The following TTLL11 variants were observed in gnomAD, a reference collection of about 807,000 sequenced individuals.
The protein encoded by TTLL11 is tubulin polyglutamylase TTLL11.
Under a neutral mutation model 51.7 loss-of-function variants are expected in TTLL11, and 42 were observed. The observed-to-expected ratio is 0.81, with a 90% CI of 0.64 to 1.05. The LOEUF is 1.05. TTLL11 is among the 50% of genes least tolerant of loss of function. The pLI is 0.00. For missense variants in TTLL11, 799 were observed against 940.4 expected, an observed-to-expected ratio of 0.85 and a Z score of 1.97; for synonymous variants, 381 against 383.5, an observed-to-expected ratio of 0.99 and a Z score of 0.08.
At chr9:122,039,123 T>G (rs1844775642) in intron 2 of TTLL11, 149 bp downstream of exon 2, 1 of 636,606 alleles carries the variant, frequency 1.6e-6, no homozygotes, top group Non-Finnish European at 2.6e-6. Context: ...TCTCCAATCC[T>G]TAAAACCTTA....
At chr9:122,066,432 C>A (rs1845585138) in intron 1 of TTLL11, among the ~76,000 whole-genome samples, 1 of 152,072 alleles carries the variant, frequency 6.6e-6, no homozygotes, top group East Asian at 1.9e-4. Flanking sequence ...TCCAGGGTCA[C>A]ACAGACAGCA....
intron 4 of TTLL11, among the ~76,000 whole-genome samples, chr9:121,986,935 A>G (rs532167452): frequency 1.3e-5 from 2 of 152,194 alleles, no homozygotes; most frequent in East Asian, 3.9e-4. Flanking sequence ...AATGGAATCT[A>G]TAACAGTGCA....
chr9:122,081,510 A>G (rs1266342113), intron 1 of TTLL11, among the ~76,000 whole-genome samples: 9 of 152,274 alleles, frequency 5.9e-5, no homozygotes, highest in South Asian at 2.1e-4. Flanking sequence ...GAAATCTACC[A>G]TACTTACTGC....
intron 6 of TTLL11, among the ~76,000 whole-genome samples, chr9:121,939,398 A>C (rs1209863172): frequency 6.6e-6 from 1 of 152,206 alleles, no homozygotes; most frequent in Non-Finnish European, 1.5e-5. Flanking sequence ...TTGCCAAAGG[A>C]GATATGGCTT....
Position 121,989,069 on chromosome 9 carries a change from C to T in TTLL11, c.1269+126G>A, listed in dbSNP as rs754945934. 21 of 1,513,460 alleles carry T rather than the reference C, an allele frequency of 1.4e-5. No individual in the cohort carries two copies. Among genetic ancestry groups the T allele is most frequent in the Middle Eastern group, 3.8e-4 (2 of 5,300 alleles). 93.8% of individuals were successfully genotyped at this position (1,513,460 alleles called of 1,614,324 possible). A position where few individuals can be genotyped will look rare whatever the true frequency, so the allele number is the denominator to read the frequency against. ...GGCCCAGGTTTAACACCCAAGCCCACAGCACCACCAACACTGTCCCCTCCT... is the reference window on the plus strand; with the variant it reads ...GGCCCAGGTTTAACACCCAAGCCCATAGCACCACCAACACTGTCCCCTCCT... On this transcript the variant is annotated intron_variant, in intron 4 of 8. Coordinates refer to ENST00000321582, the MANE Select transcript of TTLL11 (RefSeq NM_001139442.2). This position sits in a 1 kb window ranked among gnomAD's most constrained non-coding sequence, Gnocchi z 4.2.
At chr9:121,893,322 G>A (rs946178797) in intron 6 of TTLL11, among the ~76,000 whole-genome samples, 147 of 150,868 alleles carry the variant, frequency 9.7e-4, no homozygotes, top group African/African-American at 3.6e-3. Flanking sequence ...TTCTCTGTCT[G>A]TCTCTCTAGC....
At chr9:121,904,412 T>G (rs1839866376) in intron 6 of TTLL11, among the ~76,000 whole-genome samples, 1 of 152,114 alleles carries the variant, frequency 6.6e-6, no homozygotes, top group African/African-American at 2.4e-5. Flanking sequence ...CTTGACCTCG[T>G]GATCTGCCCG....
intron 4 of TTLL11, among the ~76,000 whole-genome samples, chr9:121,987,856 T>A (rs1842977206): frequency 6.6e-6 from 1 of 152,094 alleles, no homozygotes; most frequent in Admixed American, 6.5e-5. Flanking sequence ...TGGTCACCAT[T>A]TGCTGATGAG....
chr9:122,063,023 C>T (rs1055198444), intron 1 of TTLL11, among the ~76,000 whole-genome samples: 5 of 152,162 alleles, frequency 3.3e-5, no homozygotes, highest in Non-Finnish European at 5.9e-5. Context: ...TCAAGAGATC[C>T]TCCCACCTTG....
chr9:121,935,794 G>A (rs1041789734), intron 6 of TTLL11, among the ~76,000 whole-genome samples: 1 of 152,190 alleles, frequency 6.6e-6, no homozygotes, highest in African/African-American at 2.4e-5. Flanking sequence ...GAAACCTCCA[G>A]GGGTTCTGGC....
At chr9:121,930,133 G>A (rs1840909854) in intron 6 of TTLL11, among the ~76,000 whole-genome samples, 1 of 152,202 alleles carries the variant, frequency 6.6e-6, no homozygotes, top group African/African-American at 2.4e-5. Flanking sequence ...TCCACCATCT[G>A]AGGAAACTGA....
At chr9:122,012,875 A>G (rs7040706) in intron 3 of TTLL11, among the ~76,000 whole-genome samples, 65,897 of 152,088 alleles carry the variant, frequency 0.43, 16,189 homozygotes, top group African/African-American at 0.67. Flanking sequence ...GACCCAGAAC[A>G]CTTTGTCTAA....
intron 1 of TTLL11, among the ~76,000 whole-genome samples, chr9:122,091,939 C>T (rs1846269625): frequency 6.6e-6 from 1 of 152,092 alleles, no homozygotes; most frequent in African/African-American, 2.4e-5. Context: ...TGACACATGC[C>T]GTAAGCCAAG....
At chr9:121,930,453 T>G (rs1840922372) in intron 6 of TTLL11, among the ~76,000 whole-genome samples, 1 of 152,230 alleles carries the variant, frequency 6.6e-6, no homozygotes, top group South Asian at 2.1e-4. Context: ...GTTACACAAA[T>G]AGTGAAACCG....
chr9:122,005,213 G>A (rs1437299952), intron 3 of TTLL11, among the ~76,000 whole-genome samples: 3 of 152,226 alleles, frequency 2.0e-5, no homozygotes, highest in Non-Finnish European at 4.4e-5. Flanking sequence ...TCCGGGTGCG[G>A]AGGGGATTCA....
chr9:121,915,881 T>C (rs1840302619), intron 6 of TTLL11, among the ~76,000 whole-genome samples: 1 of 152,052 alleles, frequency 6.6e-6, no homozygotes, highest in Non-Finnish European at 1.5e-5. Context: ...CTCATAAAAT[T>C]TGGCAGTAGC....
intron 1 of TTLL11, among the ~76,000 whole-genome samples, chr9:122,041,642 G>T (rs1844848133): frequency 6.6e-6 from 1 of 151,496 alleles, no homozygotes; most frequent in African/African-American, 2.4e-5. Flanking sequence ...AATCCAAAAA[G>T]GACCTTTTTT....
At chr9:122,000,104 T>TTC (rs1354629808) in intron 3 of TTLL11, among the ~76,000 whole-genome samples, 2 of 152,174 alleles carry the variant, frequency 1.3e-5, no homozygotes, top group Non-Finnish European at 2.9e-5. Context: ...CCTACTGTGC[T>TTC]GCATTCGCAG....
chr9:122,056,066 C>T (rs1416138517), intron 1 of TTLL11, among the ~76,000 whole-genome samples: 1 of 152,192 alleles, frequency 6.6e-6, no homozygotes, highest in Non-Finnish European at 1.5e-5. Flanking sequence ...CAAGGGGCTG[C>T]TCTTCTTTTC....
Sources: allele counts gnomAD v4.1 joint callset (sites outside exome capture counted in the v4.1 genomes callset), GRCh38; gene constraint gnomAD v4.1.1; non-coding constraint Gnocchi (gnomAD v3.1); transcripts MANE v1.5; gene names NCBI Gene and HGNC (gene_info 2026-07-23, HGNC 2026-07-21).